The following SGK2 variants were observed in gnomAD, a reference collection of about 807,000 sequenced individuals.
SGK2 encodes serum/glucocorticoid regulated kinase 2.
SGK2 carries 36 observed loss-of-function variants against 47.5 expected under a neutral mutation model. The observed-to-expected ratio is 0.76, with a 90% confidence interval of 0.58 to 1.00. The LOEUF is 1.00. Among genes scored for constraint, SGK2 ranks in the 50% least tolerant of loss-of-function variants. SGK2 has a pLI of 0.00. For synonymous variants in SGK2, 157 were observed against 181.9 expected (o/e 0.86, Z 1.10); for missense variants, 404 against 467.4 (o/e 0.86, Z 1.25).
In SGK2 at chr20:43,582,450, C is replaced by T. The variant is rs181771630; in HGVS notation, c.939+2389C>T. ...TTGCCCAGGCTGGAGTGCAGTGGCA[C>T]GATCTCAGCTCATGGCAACCTCTGT... On this transcript the variant is annotated intron_variant, in intron 12 of 12. Coordinates refer to ENST00000373100, the MANE Select transcript of SGK2 (RefSeq NM_170693.3). Among the ~76,000 whole-genome samples, 15 of 151,946 alleles carry T rather than the reference C, an allele frequency of 9.9e-5. No individual in the cohort carries two copies. The East Asian group carries it at 1.2e-3, about 12-fold the overall frequency.
rs202106262 is a variant in SGK2 at position 43,584,809 on chromosome 20, C to T, written c.940-43C>T. 6,072 of 1,583,714 alleles carry T rather than the reference C, an allele frequency of 3.8e-3. 49 individuals carry two copies. The highest frequency in any genetic ancestry group is 3.3e-3 in the Non-Finnish European group (3,841 of 1,156,802). On this transcript the variant is annotated intron_variant, in intron 12 of 12. Coordinates refer to ENST00000373100, the MANE Select transcript of SGK2 (RefSeq NM_170693.3). ...GAGGATCTGGGCTCCTTTGGCAGCT[C>T]TGACCCCGGTGTTTTCTTCTCATCA...
Position 43,572,424 on chromosome 20 carries a change from C to T in SGK2, c.597+287C>T, listed in dbSNP as rs574963438. ...GGCACAGTGGCTCACGCCTGTAATC[C>T]CAGCACTTTGGGAGGCTGAGGTGGG... On this transcript the variant is annotated intron_variant, in intron 9 of 12. Transcript: ENST00000373100. This position sits in a 1 kb window ranked among gnomAD's most constrained non-coding sequence, Gnocchi z 4.2. 2.3e-4 allele frequency among the ~76,000 whole-genome samples: 35 copies of T among 152,272 alleles called. No individual in the cohort carries two copies. The highest frequency in any genetic ancestry group is 8.2e-4 in the African/African-American group (34 of 41,544).
intron 1 of SGK2, chr20:43,566,222 TG>T: frequency 1.0e-6 from 1 of 973,354 alleles, no homozygotes; most frequent in Non-Finnish European, 1.5e-6. Context: ...AGAATCAGCC[TG>T]GGAGGGGCCA....
intron 1 of SGK2, 61 bp from the exon 2 acceptor site, chr20:43,566,412 A>G (rs372678709): frequency 1.4e-4 from 220 of 1,613,930 alleles, no homozygotes; most frequent in Non-Finnish European, 1.8e-4. Context: ...GAAGCCCTGG[A>G]TGGGCGGAGC....
intron 2 of SGK2, 148 bp downstream of exon 2, chr20:43,566,679 G>A: frequency 4.9e-6 from 3 of 615,270 alleles, no homozygotes; most frequent in South Asian, 2.1e-5. Flanking sequence ...ATAGAGTAGA[G>A]ATTTGAAATA....
intron 7 of SGK2, 37 bp downstream of exon 7, chr20:43,570,766 C>A: frequency 6.8e-7 from 1 of 1,474,642 alleles, no homozygotes; most frequent in Non-Finnish European, 9.4e-7. Context: ...AGGACCAAGC[C>A]CTTCTTGCTC....
At chr20:43,563,146 A>AAAAG (rs1405093800) in intron 1 of SGK2, among the ~76,000 whole-genome samples, 2 of 151,866 alleles carry the variant, frequency 1.3e-5, no homozygotes, top group African/African-American at 4.8e-5. Flanking sequence ...AAAAAAAAAA[A>AAAAG]AAAGAAAGAA....
At position 43,569,466 on chromosome 20, in the gene SGK2, C is replaced by T. The variant is rs778374321; in HGVS notation, c.310C>T (p.Gln104Ter). Residue 104 changes from glutamine (Q) to a stop codon, truncating the protein, a stop_gained, in exon 6 of 13, where the codon CAG becomes TAG. Transcript: ENST00000373100. LOFTEE classifies it high-confidence loss of function. ...CCTCGTGGGCCTGCGCTACTCCTTC[C>T]AGACACCTGAGAAGCTCTACTTCGT... is the stretch of plus-strand genomic sequence containing the variant. Reference protein sequence around the residue: ...PFLVGLRYSFQTPEKLYFVLD... With the variant: ...PFLVGLRYSF 6.2e-7 allele frequency: 1 copy of T among 1,613,854 alleles called. No homozygotes were observed. The highest frequency in any genetic ancestry group is 1.1e-5 in the South Asian group (1 of 91,070).
At chr20:43,575,082 G>C in intron 10 of SGK2, 78 bp downstream of exon 10, 1 of 932,802 alleles carries the variant, frequency 1.1e-6, no homozygotes, top group Non-Finnish European at 1.7e-6. Flanking sequence ...CACAAGCTCT[G>C]TCCAGGAAAA....
chr20:43,565,260 C>G (rs3827067), intron 1 of SGK2: 29,269 of 152,350 alleles, frequency 0.19, 2,999 homozygotes, highest in East Asian at 0.3. Flanking sequence ...TGCTGGTTCT[C>G]CTAGAGGCCT....
In SGK2 at chr20:43,571,056, G is replaced by A; in HGVS notation, c.506G>A (p.Cys169Tyr). The change falls in exon 8 of 13, where the codon TGC becomes TAC. Residue 169 changes from cysteine (C) to tyrosine (Y), a missense_variant. By Grantham distance (194) the Cys-to-Tyr change is radical. Transcript: ENST00000373100. ...DLKPENILLD[C>Y]QGHVVLTDFG... The stretch of plus-strand genomic sequence containing the variant: ...AAACCAGAGAACATTCTCTTGGACT[G>A]CCAGGTTGGTGTGTGTGTGTGTGTG... 1.3e-6 allele frequency: 2 copies of A among 1,595,986 alleles called. No homozygotes were observed. The highest frequency in any genetic ancestry group is 1.7e-6 in the Non-Finnish European group (2 of 1,176,354).
chr20:43,568,064 CA>C (rs1220976294), intron 5 of SGK2, 65 bp downstream of exon 5: 1 of 1,356,934 alleles, frequency 7.4e-7, no homozygotes, highest in African/African-American at 1.4e-5. Flanking sequence ...GGGTGGCTTT[CA>C]AAGATGGGTC....
chr20:43,567,916 G>T lies in SGK2; in HGVS notation c.145G>T (p.Val49Phe). ...GCCTCAAATTCATGTTTCTTCTCAG[G>T]TCCTACTGGCCAAGCGCAAGTCTGA... The part of the protein sequence containing the change: ...KVIGKGNYGK[V>F]LLAKRKSDGA... Residue 49 changes from valine to phenylalanine, a missense_variant and splice_region_variant, in exon 5 of 13, where the codon GTC becomes TTC. Physicochemically the swap from Val to Phe is conservative, Grantham distance 50. Transcript: ENST00000373100. 6.2e-7 allele frequency: 1 copy of T among 1,614,010 alleles called. No individual in the cohort carries two copies. The highest frequency in any genetic ancestry group is 8.5e-7 in the Non-Finnish European group (1 of 1,179,870).
chr20:43,585,562 A>T lies in SGK2; in HGVS notation c.*546A>T, dbSNP rs763170962. 1 of 153,112 alleles carries T rather than the reference A, an allele frequency of 6.5e-6. No homozygotes were observed. The highest frequency in any genetic ancestry group is 1.5e-5 in the Non-Finnish European group (1 of 68,680). 9.5% of individuals were successfully genotyped at this position (153,112 alleles called of 1,614,324 possible). ...AGGGCCTCCTGGTGTTTGGATTTTG[A>T]TCTCAATGTGTAAAATGACAGAGAT... is the stretch of plus-strand genomic sequence containing the variant. On this transcript the variant is annotated 3_prime_UTR_variant, in exon 13 of 13. Coordinates refer to ENST00000373100, the MANE Select transcript of SGK2 (RefSeq NM_170693.3).
In SGK2 at chr20:43,585,163, G is replaced by A. The variant is rs980268138; in HGVS notation, c.*147G>A. 3 of 723,374 alleles carry A rather than the reference G, an allele frequency of 4.1e-6. No homozygotes were observed. The highest frequency in any genetic ancestry group is 2.0e-5 in the South Asian group (1 of 51,126). The allele number at this position is 723,374 out of a possible 1,614,324, so 44.8% of individuals were successfully genotyped here. On this transcript the variant is annotated 3_prime_UTR_variant, in exon 13 of 13. Coordinates refer to ENST00000373100, the MANE Select transcript of SGK2 (RefSeq NM_170693.3). ...GCACATAAAAGAAAAATAATGTTTC[G>A]GAGTCCAGGACTGGCAGGACAGGTC...
chr20:43,577,024 A>G (rs1408778675), intron 11 of SGK2, among the ~76,000 whole-genome samples: 1 of 152,228 alleles, frequency 6.6e-6, no homozygotes, highest in Non-Finnish European at 1.5e-5. Flanking sequence ...AGGTATGACA[A>G]GTGTCAGGAA....
chr20:43,574,434 C>A (rs1980344399), intron 9 of SGK2, among the ~76,000 whole-genome samples: 1 of 152,230 alleles, frequency 6.6e-6, no homozygotes, highest in African/African-American at 2.4e-5. Flanking sequence ...TCCACACTGC[C>A]CTGTGAGAGT....
intron 1 of SGK2, among the ~76,000 whole-genome samples, chr20:43,563,960 C>T (rs1979531151): frequency 6.6e-6 from 1 of 152,232 alleles, no homozygotes; most frequent in Non-Finnish European, 1.5e-5. Context: ...GCTCAGTTCC[C>T]TCCCTGACCA....
At chr20:43,573,419 G>A (rs539443728) in intron 9 of SGK2, among the ~76,000 whole-genome samples, 6 of 150,192 alleles carry the variant, frequency 4.0e-5, no homozygotes, top group Admixed American at 6.7e-5. Flanking sequence ...AACCTGGGAG[G>A]CAGAGGTTGC....
Sources: gnomAD v4.1 joint callset for allele counts (sites outside exome capture counted in the v4.1 genomes callset) on GRCh38, gnomAD v4.1.1 for gene constraint, Gnocchi (gnomAD v3.1) non-coding constraint, MANE v1.5 for transcripts, NCBI Gene and HGNC (gene_info 2026-07-23, HGNC 2026-07-21) for gene names.